Variants in SP140L observed in about 807,000 individuals in gnomAD.
SP140L encodes nuclear body protein SP140-like protein.
SP140L carries 64 observed loss-of-function variants against 84.3 expected under a neutral mutation model. The ratio of observed to expected loss-of-function variants is 0.76; its 90% CI spans 0.62 to 0.94. The LOEUF (loss-of-function observed/expected upper bound fraction) is 0.94. SP140L is among the 40% of genes least tolerant of loss of function. The pLI is 0.00. For synonymous variants in SP140L, 242 were observed against 236.9 expected (o/e 1.02, Z -0.20); for missense variants, 628 against 692.5 (o/e 0.91, Z 1.05).
intron 2 of SP140L, among the ~76,000 whole-genome samples, chr2:230,332,922 A>G (rs1040687706): frequency 3.3e-5 from 5 of 152,184 alleles, no homozygotes; most frequent in Non-Finnish European, 5.9e-5. Context: ...TTTATGGATT[A>G]CATGTATCTT....
At chr2:230,383,836 T>C (rs1231714598) in intron 8 of SP140L, among the ~76,000 whole-genome samples, 3 of 152,158 alleles carry the variant, frequency 2.0e-5, no homozygotes, top group African/African-American at 7.2e-5. Context: ...CTTCAGTAGC[T>C]CAAGAAATTT....
At chr2:230,342,427 A>G (rs1447517830) in intron 2 of SP140L, among the ~76,000 whole-genome samples, 1 of 152,228 alleles carries the variant, frequency 6.6e-6, no homozygotes, top group Non-Finnish European at 1.5e-5. Context: ...AGTACCTCAG[A>G]TGGAAATGCA....
chr2:230,329,213 C>A (rs1275742079), intron 2 of SP140L, among the ~76,000 whole-genome samples: 2 of 152,164 alleles, frequency 1.3e-5, no homozygotes, highest in African/African-American at 4.8e-5. Context: ...AGTCGTTCTT[C>A]TGTTAAGGTG....
chr2:230,328,534 A>G (rs2059641588), intron 1 of SP140L, among the ~76,000 whole-genome samples: 1 of 152,256 alleles, frequency 6.6e-6, no homozygotes, highest in Non-Finnish European at 1.5e-5. Flanking sequence ...ATTCCATAGA[A>G]TTTACATAGC....
At chr2:230,336,595 G>A (rs1173883316) in intron 2 of SP140L, among the ~76,000 whole-genome samples, 1 of 152,170 alleles carries the variant, frequency 6.6e-6, no homozygotes, top group East Asian at 1.9e-4. Flanking sequence ...ACTGAAACAA[G>A]TTATAACCTC....
At chr2:230,402,743 T>C (rs1443695661) in intron 18 of SP140L, 55 bp from the exon 19 acceptor site, 2 of 1,338,482 alleles carry the variant, frequency 1.5e-6, no homozygotes, top group African/African-American at 1.4e-5. Flanking sequence ...TTGAAAGGTA[T>C]CTAATGACAC....
intron 2 of SP140L, among the ~76,000 whole-genome samples, chr2:230,344,019 T>C (rs1211166652): frequency 6.6e-6 from 1 of 152,210 alleles, no homozygotes; most frequent in African/African-American, 2.4e-5. Context: ...TGGAGAGTTC[T>C]GTAGATATCT....
intron 7 of SP140L, among the ~76,000 whole-genome samples, chr2:230,382,038 G>A (rs1038652561): frequency 4.6e-5 from 7 of 152,260 alleles, no homozygotes; most frequent in East Asian, 3.9e-4. Flanking sequence ...AGTTCTGTTC[G>A]TTGTGTCCAG....
At chr2:230,385,764 C>A (rs1410841197) in intron 9 of SP140L, among the ~76,000 whole-genome samples, 4 of 152,180 alleles carry the variant, frequency 2.6e-5, no homozygotes, top group African/African-American at 9.7e-5. Context: ...ATTAAAACTC[C>A]AATGTCCTCC....
intron 2 of SP140L, among the ~76,000 whole-genome samples, chr2:230,330,875 T>G (rs1193080903): frequency 1.3e-5 from 2 of 152,248 alleles, no homozygotes; most frequent in African/African-American, 4.8e-5. Context: ...AATCTCACGC[T>G]GTCCCTCTCC....
At chr2:230,339,795 G>T (rs2059984413) in intron 2 of SP140L, among the ~76,000 whole-genome samples, 1 of 139,874 alleles carries the variant, frequency 7.1e-6, no homozygotes. Context: ...TTTCCATGTA[G>T]TTGAGCGGTT....
intron 5 of SP140L, among the ~76,000 whole-genome samples, chr2:230,368,933 G>A (rs550464546): frequency 1.3e-5 from 2 of 152,250 alleles, no homozygotes; most frequent in Admixed American, 1.3e-4. Flanking sequence ...TAAATTCTTT[G>A]TGAAGCAGTT....
intron 2 of SP140L, among the ~76,000 whole-genome samples, chr2:230,354,881 G>GAACGAAAGAAAGAAAGAAAGAAAGAAAGA (rs2060484530): frequency 8.0e-6 from 1 of 125,522 alleles, no homozygotes; most frequent in Admixed American, 8.2e-5. Flanking sequence ...AAGAAAGAAA[G>GAACGAAAGAAAGAAAGAAAGAAAGAAAGA]AAAGAAAGAA....
At chr2:230,369,663 A>G (rs1475386442) in intron 5 of SP140L, among the ~76,000 whole-genome samples, 1 of 152,210 alleles carries the variant, frequency 6.6e-6, no homozygotes, top group East Asian at 1.9e-4. Context: ...GATGTGTAGG[A>G]CTGCCACTGA....
chr2:230,383,414 A>C, intron 7 of SP140L, 96 bp from the exon 8 acceptor site: 1 of 1,347,688 alleles, frequency 7.4e-7, no homozygotes, highest in Non-Finnish European at 1.0e-6. Context: ...CCTGTGGACC[A>C]AAGTATGAAA....
At position 230,392,125 on chromosome 2, in the gene SP140L, T is replaced by C. The variant is rs773140752; in HGVS notation, c.1003T>C (p.Trp335Arg). 6.2e-7 allele frequency: 1 copy of C among 1,613,832 alleles called. No homozygotes were observed. The highest frequency in any genetic ancestry group is 1.1e-5 in the South Asian group (1 of 91,070). Reference protein sequence around the residue: ...AKCIQTEDGKWFTPMEFEIKG... With the variant: ...AKCIQTEDGKRFTPMEFEIKG... ...GTGTATACAGACTGAGGATGGAAAA[T>C]GGTTCACCCCCATGGAATTTGAAAT... The change falls in exon 12 of 19, where the codon TGG becomes CGG. Residue 335 changes from tryptophan (W) to arginine (R), a missense_variant. Physicochemically the swap from Trp to Arg is moderately radical, Grantham distance 101. This residue lies in a region of SP140L where 525 missense variants were observed against 518.4 expected (regional missense o/e 1.01). Transcript: ENST00000415673.
intron 2 of SP140L, among the ~76,000 whole-genome samples, chr2:230,352,258 C>T (rs1230278231): frequency 6.6e-6 from 1 of 151,858 alleles, no homozygotes; most frequent in Non-Finnish European, 1.5e-5. Flanking sequence ...TGTATTAGTT[C>T]ATTCTCATAC....
chr2:230,355,720 T>C (rs1187399246), intron 2 of SP140L, among the ~76,000 whole-genome samples: 1 of 152,194 alleles, frequency 6.6e-6, no homozygotes, highest in African/African-American at 2.4e-5. Flanking sequence ...TAAACCCATG[T>C]TCATATTGTA....
intron 9 of SP140L, among the ~76,000 whole-genome samples, chr2:230,385,633 C>T (rs2061550990): frequency 1.3e-5 from 2 of 152,156 alleles, no homozygotes; most frequent in Admixed American, 1.3e-4. Context: ...TCCCACTGCC[C>T]TTTGAAGTCC....
Sources: gnomAD v4.1 joint callset for allele counts (sites outside exome capture counted in the v4.1 genomes callset) on GRCh38, gnomAD v4.1.1 for gene constraint, gnomAD v4.1.1 regional missense constraint, MANE v1.5 for transcripts, NCBI Gene and HGNC (gene_info 2026-07-23, HGNC 2026-07-21) for gene names.